Variants in SLC25A12 observed in about 807,000 individuals in gnomAD.
SLC25A12 encodes the protein solute carrier family 25 member 12, also known as electrogenic aspartate/glutamate antiporter SLC25A12, mitochondrial.
In SLC25A12, 32 loss-of-function variants were observed where a neutral mutation model predicts 83.3. That is an observed-to-expected ratio of 0.38 (90% CI 0.29 to 0.52). The LOEUF (loss-of-function observed/expected upper bound fraction) is 0.52. Among genes scored for constraint, SLC25A12 ranks in the 20% least tolerant of loss-of-function variants. The pLI is 0.84. For synonymous variants in SLC25A12, 267 were observed against 291.1 expected, an observed-to-expected ratio of 0.92 and a Z score of 0.84; for missense variants, 611 against 835.6, an observed-to-expected ratio of 0.73 and a Z score of 3.31.
At chr2:171,883,682 T>G (rs1197351352) in intron 2 of SLC25A12, among the ~76,000 whole-genome samples, 1 of 152,174 alleles carries the variant, frequency 6.6e-6, no homozygotes, top group Non-Finnish European at 1.5e-5. Flanking sequence ...CCTTTGGAAT[T>G]CCCTCCACCA....
chr2:171,842,264 T>A (rs1393756851), intron 5 of SLC25A12, among the ~76,000 whole-genome samples: 2 of 151,292 alleles, frequency 1.3e-5, no homozygotes, highest in African/African-American at 2.4e-5. Context: ...AAAAACATTA[T>A]GCTAAGTGGA....
At chr2:171,798,248 T>C (rs1347088462) in intron 13 of SLC25A12, among the ~76,000 whole-genome samples, 1 of 152,198 alleles carries the variant, frequency 6.6e-6, no homozygotes, top group East Asian at 1.9e-4. Context: ...AAGGATGTAA[T>C]TTTGAGATGT....
At chr2:171,863,363 TA>T (rs1389141319) in intron 3 of SLC25A12, among the ~76,000 whole-genome samples, 1 of 151,884 alleles carries the variant, frequency 6.6e-6, no homozygotes, top group Admixed American at 6.6e-5. Flanking sequence ...TCATCTCTAC[TA>T]AAAACACAAA....
chr2:171,874,903 C>T (rs1473107017), intron 2 of SLC25A12, among the ~76,000 whole-genome samples: 1 of 152,138 alleles, frequency 6.6e-6, no homozygotes, highest in Non-Finnish European at 1.5e-5. Flanking sequence ...GAAAGGAAAA[C>T]CCTAACTTTC....
intron 13 of SLC25A12, among the ~76,000 whole-genome samples, chr2:171,805,406 C>G (rs895993716): frequency 5.3e-5 from 8 of 152,088 alleles, no homozygotes; most frequent in Non-Finnish European, 1.0e-4. Flanking sequence ...CCACCGCCCC[C>G]GGCCTAAAGG....
chr2:171,800,309 C>T (rs1683684504), intron 13 of SLC25A12, among the ~76,000 whole-genome samples: 1 of 135,528 alleles, frequency 7.4e-6, no homozygotes, highest in Non-Finnish European at 1.6e-5. Flanking sequence ...ACGCAAAAGA[C>T]TTGAACAGAT....
chr2:171,814,589 C>A (rs544205954), intron 10 of SLC25A12, among the ~76,000 whole-genome samples: 53 of 151,952 alleles, frequency 3.5e-4, no homozygotes, highest in African/African-American at 1.3e-3. Context: ...ATTTCATCGC[C>A]CAGGTATTAA....
intron 13 of SLC25A12, among the ~76,000 whole-genome samples, chr2:171,807,394 G>A (rs1211893706): frequency 6.6e-6 from 1 of 152,180 alleles, no homozygotes; most frequent in African/African-American, 2.4e-5. Context: ...TATAAACAGG[G>A]TCGGTAGCTA....
At chr2:171,815,011 A>G in intron 10 of SLC25A12, 110 bp downstream of exon 10, 1 of 851,220 alleles carries the variant, frequency 1.2e-6, no homozygotes, top group African/African-American at 1.7e-5. Context: ...AAAGCCCTGA[A>G]GTCGTGACCC....
At chr2:171,847,714 G>C (rs2105898272) in intron 4 of SLC25A12, among the ~76,000 whole-genome samples, 1 of 152,290 alleles carries the variant, frequency 6.6e-6, no homozygotes, top group South Asian at 2.1e-4. Flanking sequence ...GCATAGCTAA[G>C]AGAACCAGGA....
chr2:171,829,794 T>G (rs12622895), intron 8 of SLC25A12, among the ~76,000 whole-genome samples: 31,956 of 152,158 alleles, frequency 0.21, 4,158 homozygotes, highest in East Asian at 0.58. Flanking sequence ...GGAAAAGGAA[T>G]GAATCTTTGA....
At chr2:171,800,598 C>T (rs910620267) in intron 13 of SLC25A12, among the ~76,000 whole-genome samples, 1 of 152,056 alleles carries the variant, frequency 6.6e-6, no homozygotes, top group Non-Finnish European at 1.5e-5. Flanking sequence ...GAATATACAT[C>T]GACTCTATTC....
At chr2:171,830,755 C>T (rs1005687084) in intron 8 of SLC25A12, among the ~76,000 whole-genome samples, 4 of 152,124 alleles carry the variant, frequency 2.6e-5, no homozygotes, top group East Asian at 1.9e-4. Context: ...CCTCATGATC[C>T]GCCCACCTTG....
intron 4 of SLC25A12, among the ~76,000 whole-genome samples, chr2:171,853,221 T>C (rs1024098653): frequency 6.6e-6 from 1 of 152,172 alleles, no homozygotes; most frequent in Non-Finnish European, 1.5e-5. Flanking sequence ...CTCTAGATTA[T>C]GGAGGAAAAG....
intron 5 of SLC25A12, among the ~76,000 whole-genome samples, chr2:171,844,064 C>T (rs1684741124): frequency 6.6e-6 from 1 of 152,054 alleles, no homozygotes; most frequent in African/African-American, 2.4e-5. Context: ...GGATTACAGG[C>T]GTGAGCCACT....
Position 171,785,150 on chromosome 2 carries a change from C to A in SLC25A12, c.*124G>T, listed in dbSNP as rs13035825. 3 of 848,714 alleles carry A rather than the reference C, an allele frequency of 3.5e-6. No homozygotes were observed. The highest frequency in any genetic ancestry group is 5.9e-6 in the Non-Finnish European group (3 of 507,558). The allele number at this position is 848,714 out of a possible 1,614,324, so 52.6% of individuals were successfully genotyped here. Reference sequence around the variant, plus strand: ...TAAACAAGTATATGTATATGTCATACAGAAAGAAGAGTTTGACTCCTCAGC... The same window carrying A: ...TAAACAAGTATATGTATATGTCATAAAGAAAGAAGAGTTTGACTCCTCAGC... On this transcript the variant is annotated 3_prime_UTR_variant, in exon 18 of 18. Transcript: ENST00000422440.
intron 2 of SLC25A12, among the ~76,000 whole-genome samples, chr2:171,878,272 T>C (rs1337322113): frequency 6.6e-6 from 1 of 152,218 alleles, no homozygotes; most frequent in African/African-American, 2.4e-5. Context: ...GGGCAAAACA[T>C]GCAGATTCTT....
At chr2:171,876,462 T>C (rs1328256338) in intron 2 of SLC25A12, among the ~76,000 whole-genome samples, 1 of 150,074 alleles carries the variant, frequency 6.7e-6, no homozygotes, top group Non-Finnish European at 1.5e-5. Flanking sequence ...TAAAATATTT[T>C]AGGTATTATG....
Position 171,837,151 on chromosome 2 carries a change from A to C in SLC25A12, c.582T>G (p.Leu194=). 1.2e-6 allele frequency: 2 copies of C among 1,614,046 alleles called. No individual in the cohort carries two copies. Among genetic ancestry groups the C allele is most frequent in the Non-Finnish European group, 1.7e-6 (2 of 1,179,950 alleles). ...CTAAGTTCTCCTCCACAAAAGGAGTAAGCATGTGAGATCTAATGGTAACCA... is the reference window on the plus strand; with the variant it reads ...CTAAGTTCTCCTCCACAAAAGGAGTCAGCATGTGAGATCTAATGGTAACCA... ...DIMVTIRSHM[L]TPFVEENLVS... The change falls in exon 6 of 18, where the codon CTT becomes CTG. Residue 194 remains leucine, a synonymous_variant. Transcript: ENST00000422440.
Sources: allele counts gnomAD v4.1 joint callset (sites outside exome capture counted in the v4.1 genomes callset), GRCh38; gene constraint gnomAD v4.1.1; transcripts MANE v1.5; gene names NCBI Gene and HGNC (gene_info 2026-07-23, HGNC 2026-07-21).